Variants in ZNF431 observed in about 807,000 individuals in gnomAD.
The protein encoded by ZNF431 is zinc finger protein 431.
ZNF431 carries 34 observed loss-of-function variants against 57.0 expected under a neutral mutation model. The observed-to-expected ratio is 0.60, with a 90% CI of 0.45 to 0.79. The LOEUF is 0.79. ZNF431 is among the 30% of genes least tolerant of loss of function. The pLI is 0.00. For synonymous variants in ZNF431, 207 were observed against 220.3 expected (o/e 0.94, Z 0.54); for missense variants, 607 against 667.1 (o/e 0.91, Z 0.99).
chr19:21,170,243 C>T (rs1363728426), intron 4 of ZNF431, among the ~76,000 whole-genome samples: 6 of 152,206 alleles, frequency 3.9e-5, no homozygotes, highest in African/African-American at 1.2e-4. Context: ...AATTCTCCAA[C>T]CTCAATGTAC....
chr19:21,188,326 G>C lies in ZNF431; in HGVS notation c.*4292G>C, dbSNP rs909506255. 2.7e-5 allele frequency: 4 copies of C among 149,782 alleles called. No individual in the cohort carries two copies. Among genetic ancestry groups the C allele is most frequent in the African/African-American group, 9.8e-5 (4 of 41,016 alleles). The allele number at this position is 149,782 out of a possible 1,614,324, so 9.3% of individuals were successfully genotyped here. Reference sequence around the variant, plus strand: ...TAAGATAATTAAATTAGTCAGCTTTGTTTTTAAAAGAAAAATCTTACTAGA... The same window carrying C: ...TAAGATAATTAAATTAGTCAGCTTTCTTTTTAAAAGAAAAATCTTACTAGA... On this transcript the variant is annotated 3_prime_UTR_variant, in exon 5 of 5. Coordinates refer to ENST00000311048, the MANE Select transcript of ZNF431 (RefSeq NM_133473.4).
intron 2 of ZNF431, among the ~76,000 whole-genome samples, chr19:21,146,542 G>T (rs1970102588): frequency 6.6e-6 from 1 of 152,146 alleles, no homozygotes; most frequent in Non-Finnish European, 1.5e-5. Flanking sequence ...CTAAACAAGG[G>T]ATGGATTATT....
At chr19:21,148,662 C>T (rs573665752) in intron 2 of ZNF431, among the ~76,000 whole-genome samples, 17 of 152,300 alleles carry the variant, frequency 1.1e-4, no homozygotes, top group Admixed American at 2.0e-4. Flanking sequence ...ACATATTTCA[C>T]TTTCTCTGAA....
Position 21,186,496 on chromosome 19 carries a change from G to A in ZNF431, c.*2462G>A, listed in dbSNP as rs1044982409. 3 of 151,992 alleles carry A rather than the reference G, an allele frequency of 2.0e-5. No individual in the cohort carries two copies. Among genetic ancestry groups the A allele is most frequent in the Admixed American group, 6.6e-5 (1 of 15,256 alleles). The allele number at this position is 151,992 out of a possible 1,614,324, so 9.4% of individuals were successfully genotyped here. On this transcript the variant is annotated 3_prime_UTR_variant, in exon 5 of 5. Coordinates refer to ENST00000311048, the MANE Select transcript of ZNF431 (RefSeq NM_133473.4). Reference sequence around the variant, plus strand: ...TATTTTCAGAAGGAAAGAATGATACGGGAACAAAAATCATTTTAATATGGT... The same window carrying A: ...TATTTTCAGAAGGAAAGAATGATACAGGAACAAAAATCATTTTAATATGGT...
intron 4 of ZNF431, among the ~76,000 whole-genome samples, chr19:21,174,715 G>A (rs73028565): frequency 6.6e-6 from 1 of 151,762 alleles, no homozygotes; most frequent in African/African-American, 2.4e-5. Context: ...AGCTACTAAG[G>A]CATCTTATTT....
At chr19:21,146,580 G>A (rs1970103710) in intron 2 of ZNF431, among the ~76,000 whole-genome samples, 1 of 152,160 alleles carries the variant, frequency 6.6e-6, no homozygotes, top group South Asian at 2.1e-4. Context: ...GACAATATAG[G>A]ATAGCTTCCT....
At chr19:21,161,013 C>A (rs1474095609) in intron 2 of ZNF431, among the ~76,000 whole-genome samples, 2 of 152,016 alleles carry the variant, frequency 1.3e-5, no homozygotes, top group Non-Finnish European at 2.9e-5. Flanking sequence ...GCTAAAAATA[C>A]AAAAATTAGC....
chr19:21,181,035 T>C (rs996446195), intron 4 of ZNF431, among the ~76,000 whole-genome samples: 2 of 152,148 alleles, frequency 1.3e-5, no homozygotes, highest in Non-Finnish European at 2.9e-5. Context: ...GCTAATTGTA[T>C]ATTTTATGTT....
chr19:21,178,371 G>C (rs1971116645), intron 4 of ZNF431, among the ~76,000 whole-genome samples: 1 of 152,078 alleles, frequency 6.6e-6, no homozygotes, highest in Non-Finnish European at 1.5e-5. Flanking sequence ...GGTGGGGAGA[G>C]GGCATCCTCA....
chr19:21,159,653 G>A (rs890498486), intron 2 of ZNF431, among the ~76,000 whole-genome samples: 1 of 152,140 alleles, frequency 6.6e-6, no homozygotes, highest in African/African-American at 2.4e-5. Context: ...TTACAGGCAT[G>A]AGCCACTGCA....
chr19:21,169,968 G>A lies in ZNF431; in HGVS notation c.319+2302G>A, dbSNP rs192213321. 7 of 397,312 alleles carry A rather than the reference G, an allele frequency of 1.8e-5. No homozygotes were observed. In the Admixed American group the frequency reaches 2.2e-4, roughly 12 times the overall value. 24.6% of individuals were successfully genotyped at this position (397,312 alleles called of 1,614,324 possible). ...AGGACCTCTCTTAGACTGTAACTGG[G>A]AGGAGTTTGGGATGGTTACAGAGTT... On this transcript the variant is annotated intron_variant, in intron 4 of 4. Coordinates refer to ENST00000311048, the MANE Select transcript of ZNF431 (RefSeq NM_133473.4).
chr19:21,173,893 C>A (rs1233977920), intron 4 of ZNF431, among the ~76,000 whole-genome samples: 2 of 151,816 alleles, frequency 1.3e-5, no homozygotes, highest in African/African-American at 4.8e-5. Context: ...ATGGTTTTTC[C>A]CATTTGAATA....
intron 2 of ZNF431, among the ~76,000 whole-genome samples, chr19:21,144,955 T>C (rs1970041164): frequency 6.6e-6 from 1 of 151,740 alleles, no homozygotes; most frequent in Non-Finnish European, 1.5e-5. Context: ...TATAACTGTT[T>C]ACTACATGGT....
intron 4 of ZNF431, among the ~76,000 whole-genome samples, chr19:21,179,851 C>T (rs749954471): frequency 5.9e-5 from 9 of 152,144 alleles, no homozygotes; most frequent in East Asian, 3.9e-4. Context: ...TGAGCCACCA[C>T]GCCCGGCTAC....
Position 21,186,713 on chromosome 19 carries a change from A to G in ZNF431, c.*2679A>G, listed in dbSNP as rs530103570. ...GTTTCTTACATTTTTTTTGTTTTAT[A>G]TTTTATGAAGTATTCATTATGTGAG... On this transcript the variant is annotated 3_prime_UTR_variant, in exon 5 of 5. Transcript: ENST00000311048. 2.6e-5 allele frequency: 4 copies of G among 152,144 alleles called. No homozygotes were observed. The highest frequency in any genetic ancestry group is 3.4e-3 in the Middle Eastern group (1 of 294). The allele number at this position is 152,144 out of a possible 1,614,324, so 9.4% of individuals were successfully genotyped here.
At chr19:21,147,618 A>C (rs1013748608) in intron 2 of ZNF431, among the ~76,000 whole-genome samples, 1 of 142,104 alleles carries the variant, frequency 7.0e-6, no homozygotes, top group South Asian at 2.3e-4. Flanking sequence ...AAAAAAAAAA[A>C]ACCATGATTG....
chr19:21,182,069 G>T (rs1300166187), intron 4 of ZNF431, among the ~76,000 whole-genome samples: 1 of 151,856 alleles, frequency 6.6e-6, no homozygotes, highest in African/African-American at 2.4e-5. Context: ...GTCATTTGCT[G>T]TATCTGTTCC....
At chr19:21,156,012 A>G (rs1051250331) in intron 2 of ZNF431, among the ~76,000 whole-genome samples, 4 of 152,126 alleles carry the variant, frequency 2.6e-5, no homozygotes, top group African/African-American at 9.7e-5. Context: ...AGCTGCCACC[A>G]CAGGATTCCC....
chr19:21,176,756 G>A (rs1017462195), intron 4 of ZNF431, among the ~76,000 whole-genome samples: 1 of 151,900 alleles, frequency 6.6e-6, no homozygotes. Context: ...GGAGTGCAGT[G>A]GCACGGTCTT....
Sources: gnomAD v4.1 joint callset for allele counts (sites outside exome capture counted in the v4.1 genomes callset) on GRCh38, gnomAD v4.1.1 for gene constraint, MANE v1.5 for transcripts, NCBI Gene and HGNC (gene_info 2026-07-23, HGNC 2026-07-21) for gene names.